EGFR: variants seen among roughly 807,000 people sequenced by gnomAD.
EGFR encodes the protein epidermal growth factor receptor, also known as avian erythroblastic leukemia viral (v-erb-b) oncogene homolog.
EGFR carries 58 observed loss-of-function variants against 143.0 expected under a neutral mutation model. The ratio of observed to expected loss-of-function variants is 0.41; its 90% CI spans 0.33 to 0.50. The LOEUF is 0.50. Among genes scored for constraint, EGFR ranks in the 20% least tolerant of loss-of-function variants. EGFR has a pLI of 0.39. For synonymous variants in EGFR, 613 were observed against 594.4 expected, an observed-to-expected ratio of 1.03 and a Z score of -0.45; for missense variants, 1,307 against 1,579.0, an observed-to-expected ratio of 0.83 and a Z score of 2.92.
intron 1 of EGFR, among the ~76,000 whole-genome samples, chr7:55,078,817 T>A (rs1284797002): frequency 6.6e-6 from 1 of 152,158 alleles, no homozygotes; most frequent in African/African-American, 2.4e-5. Context: ...ACTTTCTCCA[T>A]GGAGCAGTGG....
chr7:55,029,450 C>T (rs1017112379), intron 1 of EGFR, among the ~76,000 whole-genome samples: 2 of 151,932 alleles, frequency 1.3e-5, no homozygotes, highest in Non-Finnish European at 2.9e-5. Flanking sequence ...TTCTCTTCCT[C>T]GCTCCTTCTT....
rs1788135744 is a variant in EGFR, at chr7:55,207,422, A to ATTAGAAT, written c.*1807_*1808insAGAATTT. 5.0e-6 allele frequency: 1 copy of ATTAGAAT among 199,422 alleles called. No homozygotes were observed. The highest frequency in any genetic ancestry group is 2.3e-5 in the African/African-American group (1 of 43,448). 12.4% of individuals were successfully genotyped at this position (199,422 alleles called of 1,614,324 possible). A position where few individuals can be genotyped will look rare whatever the true frequency, so the allele number is the denominator to read the frequency against. On this transcript the variant is annotated 3_prime_UTR_variant, in exon 28 of 28. Coordinates refer to ENST00000275493, the MANE Select transcript of EGFR (RefSeq NM_005228.5). ...AAAGATAAATAAAACATAGTCCCTG[A>ATTAGAAT]TTCTAAGAAATTCACAATTTAGCAA...
chr7:55,205,754 G>A lies in EGFR; in HGVS notation c.*137G>A, dbSNP rs17337528. ...AGACTGGTTTTGCAACGTTTACACCGACTAGCCAGGAAGTACTTCCACCTC... is the reference window on the plus strand; with the variant it reads ...AGACTGGTTTTGCAACGTTTACACCAACTAGCCAGGAAGTACTTCCACCTC... On this transcript the variant is annotated 3_prime_UTR_variant, in exon 28 of 28. Coordinates refer to ENST00000275493, the MANE Select transcript of EGFR (RefSeq NM_005228.5). The A allele has an allele frequency of 8.1e-4, 1,103 of 1,363,736 alleles. 12 individuals carry two copies. In the Admixed American group the frequency reaches 0.011, roughly 14 times the overall value. The allele number at this position is 1,363,736 out of a possible 1,614,324, so 84.5% of individuals were successfully genotyped here. A position where few individuals can be genotyped will look rare whatever the true frequency, so the allele number is the denominator to read the frequency against.
rs2128926255 is a variant in EGFR at position 55,142,351 on chromosome 7, C to T, written c.154C>T (p.Gln52Ter). 14 of 1,614,212 alleles carry T rather than the reference C, an allele frequency of 8.7e-6. No individual in the cohort carries two copies. The highest frequency in any genetic ancestry group is 1.1e-5 in the Non-Finnish European group (13 of 1,180,032). The change falls in exon 2 of 28, where the codon CAG becomes TAG. Residue 52 changes from glutamine to a stop codon, truncating the protein, a stop_gained. Coordinates refer to ENST00000275493, the MANE Select transcript of EGFR (RefSeq NM_005228.5). LOFTEE classifies it high-confidence loss of function. ...TTTTGAAGATCATTTTCTCAGCCTC[C>T]AGAGGATGTTCAATAACTGTGAGGT... is the stretch of plus-strand genomic sequence containing the variant. ...GTFEDHFLSL[Q>*]RMFNNCEVVL... is the part of the protein sequence containing the mutation.
chr7:55,045,635 C>A (rs997168169), intron 1 of EGFR, among the ~76,000 whole-genome samples: 18 of 152,194 alleles, frequency 1.2e-4, no homozygotes, highest in Admixed American at 1.2e-3. Flanking sequence ...TCTCTTTGTG[C>A]CTCAGTTTCC....
At chr7:55,074,848 G>A (rs1272278413) in intron 1 of EGFR, among the ~76,000 whole-genome samples, 1 of 152,228 alleles carries the variant, frequency 6.6e-6, no homozygotes, top group Non-Finnish European at 1.5e-5. Context: ...GTTCTCTTTG[G>A]AAGATCATTT....
At chr7:55,079,709 G>C (rs1790355153) in intron 1 of EGFR, among the ~76,000 whole-genome samples, 1 of 152,070 alleles carries the variant, frequency 6.6e-6, no homozygotes, top group Non-Finnish European at 1.5e-5. Context: ...CGGGCCTGCT[G>C]GCTTCATAGC....
chr7:55,076,166 C>T (rs1790122264), intron 1 of EGFR, among the ~76,000 whole-genome samples: 1 of 152,150 alleles, frequency 6.6e-6, no homozygotes. Context: ...AATACGAAAT[C>T]CAAGCTGCAT....
At chr7:55,031,150 C>G (rs1331866654) in intron 1 of EGFR, among the ~76,000 whole-genome samples, 1 of 152,188 alleles carries the variant, frequency 6.6e-6, no homozygotes, top group South Asian at 2.1e-4. Flanking sequence ...CAATGGATCT[C>G]CAGTTGTTAT....
At chr7:55,172,369 G>A (rs1786391419) in intron 16 of EGFR, among the ~76,000 whole-genome samples, 1 of 152,196 alleles carries the variant, frequency 6.6e-6, no homozygotes, top group Non-Finnish European at 1.5e-5. Context: ...AGGATTAAAT[G>A]CACCCTACAG....
At chr7:55,061,230 A>G (rs2128878921) in intron 1 of EGFR, among the ~76,000 whole-genome samples, 1 of 152,244 alleles carries the variant, frequency 6.6e-6, no homozygotes, top group East Asian at 1.9e-4. Flanking sequence ...TCTGCCTTTT[A>G]TGTAAGATAT....
At chr7:55,027,489 C>T (rs2128860079) in intron 1 of EGFR, among the ~76,000 whole-genome samples, 1 of 152,228 alleles carries the variant, frequency 6.6e-6, no homozygotes, top group South Asian at 2.1e-4. Flanking sequence ...CATGAGGAAA[C>T]CTGGAATGTC....
At chr7:55,112,642 TG>T (rs890551309) in intron 1 of EGFR, among the ~76,000 whole-genome samples, 16 of 152,184 alleles carry the variant, frequency 1.1e-4, no homozygotes, top group African/African-American at 3.9e-4. Context: ...AGGGTCTTCC[TG>T]CCGGCCTCTG....
intron 1 of EGFR, among the ~76,000 whole-genome samples, chr7:55,026,708 A>G (rs1786908010): frequency 6.6e-6 from 1 of 152,142 alleles, no homozygotes; most frequent in Non-Finnish European, 1.5e-5. Context: ...CAACCCTGCC[A>G]TAAAACTTCT....
At chr7:55,116,438 G>C (rs1252130042) in intron 1 of EGFR, among the ~76,000 whole-genome samples, 1 of 152,194 alleles carries the variant, frequency 6.6e-6, no homozygotes, top group Non-Finnish European at 1.5e-5. Flanking sequence ...TCCTGACTGG[G>C]AATTCGATGC....
intron 1 of EGFR, among the ~76,000 whole-genome samples, chr7:55,030,069 G>T (rs73420732): frequency 0.043 from 6,544 of 152,186 alleles, 214 homozygotes; most frequent in African/African-American, 0.09. Context: ...GGGAGGTGAG[G>T]GACCCAGGCT....
At chr7:55,098,887 T>C (rs1584034694) in intron 1 of EGFR, among the ~76,000 whole-genome samples, 1 of 152,144 alleles carries the variant, frequency 6.6e-6, no homozygotes, top group African/African-American at 2.4e-5. Flanking sequence ...TGTGAGCTAA[T>C]TAAGTGATTT....
Position 55,158,012 on chromosome 7 carries a change from G to C in EGFR, c.1298+259G>C, listed in dbSNP as rs571991243. Among the ~76,000 whole-genome samples, 27 of 152,336 alleles carry C rather than the reference G, an allele frequency of 1.8e-4. 1 individual carries two copies. In the South Asian group the frequency reaches 5.2e-3, roughly 29 times the overall value. On this transcript the variant is annotated intron_variant, in intron 11 of 27. Transcript: ENST00000275493. ...CACTCCAGATCCCACATTGCACTTAGTTGTCAAATCTTTTCAGTCCATTTC... is the reference window on the plus strand; with the variant it reads ...CACTCCAGATCCCACATTGCACTTACTTGTCAAATCTTTTCAGTCCATTTC...
At chr7:55,204,367 CCA>C (rs200479001) in intron 27 of EGFR, among the ~76,000 whole-genome samples, 1,567 of 149,122 alleles carry the variant, frequency 0.011, 31 homozygotes, top group African/African-American at 0.037. Context: ...CACACCAACA[CCA>C]CACAGACACC....
Sources: gnomAD v4.1 joint callset for allele counts (sites outside exome capture counted in the v4.1 genomes callset) on GRCh38, gnomAD v4.1.1 for gene constraint, MANE v1.5 for transcripts, NCBI Gene and HGNC (gene_info 2026-07-23, HGNC 2026-07-21) for gene names.